Variants in CNBD1 observed in about 807,000 individuals in gnomAD.
CNBD1 encodes the protein cyclic nucleotide binding domain containing 1, also known as cyclic nucleotide-binding domain-containing protein 1.
CNBD1 carries 71 observed loss-of-function variants against 54.4 expected under a neutral mutation model. The observed-to-expected ratio is 1.30, with a 90% CI of 1.08 to 1.59. The LOEUF (loss-of-function observed/expected upper bound fraction) is 1.59, where lower values mean the gene tolerates loss of function less well. CNBD1 is among the 40% of genes most tolerant of loss of function. CNBD1 has a pLI of 0.00. For missense variants in CNBD1, 659 were observed against 518.0 expected (o/e 1.27, Z -2.64); for synonymous variants, 182 against 170.7 (o/e 1.07, Z -0.51).
intron 6 of CNBD1, among the ~76,000 whole-genome samples, chr8:87,273,414 G>T (rs1481675550): frequency 6.6e-6 from 1 of 151,910 alleles, no homozygotes; most frequent in African/African-American, 2.4e-5. Context: ...ACAGAAAAGG[G>T]AGACTGTTGT....
At chr8:87,232,795 T>C (rs1807471595) in intron 5 of CNBD1, among the ~76,000 whole-genome samples, 1 of 152,074 alleles carries the variant, frequency 6.6e-6, no homozygotes, top group Non-Finnish European at 1.5e-5. Context: ...TGTTGGATGA[T>C]GAAAGAAATA....
At chr8:87,134,971 T>C (rs551464141) in intron 4 of CNBD1, among the ~76,000 whole-genome samples, 1 of 152,202 alleles carries the variant, frequency 6.6e-6, no homozygotes, top group African/African-American at 2.4e-5. Flanking sequence ...AACAGGAAAT[T>C]TTGAGGCTTA....
At chr8:87,181,652 A>G (rs1813351174) in intron 4 of CNBD1, among the ~76,000 whole-genome samples, 1 of 152,170 alleles carries the variant, frequency 6.6e-6, no homozygotes, top group South Asian at 2.1e-4. Flanking sequence ...ATTGATCTTC[A>G]AAAAACCAAC....
At chr8:86,949,974 T>A (rs1807569111) in intron 4 of CNBD1, among the ~76,000 whole-genome samples, 1 of 131,274 alleles carries the variant, frequency 7.6e-6, no homozygotes, top group African/African-American at 3.0e-5. Flanking sequence ...TTTTTTTTTT[T>A]GAGATGGAGT....
chr8:86,890,567 C>A (rs7000657), intron 2 of CNBD1, among the ~76,000 whole-genome samples: 2 of 151,986 alleles, frequency 1.3e-5, no homozygotes, highest in Admixed American at 6.5e-5. Context: ...ATATCTCTTC[C>A]ACATATTGAT....
chr8:87,414,124 A>C (rs1807798039), intron 2 of CNBD1, among the ~76,000 whole-genome samples: 1 of 152,080 alleles, frequency 6.6e-6, no homozygotes, highest in Admixed American at 6.6e-5. Context: ...AACCAACCCA[A>C]ATGTCCAACA....
At chr8:87,162,408 G>A (rs1812876514) in intron 4 of CNBD1, among the ~76,000 whole-genome samples, 1 of 152,000 alleles carries the variant, frequency 6.6e-6, no homozygotes, top group African/African-American at 2.4e-5. Flanking sequence ...ATTTGAAAAT[G>A]TCTGCTTTAA....
intron 8 of CNBD1, among the ~76,000 whole-genome samples, chr8:87,337,223 C>T (rs960116627): frequency 2.0e-5 from 3 of 152,246 alleles, no homozygotes; most frequent in Non-Finnish European, 2.9e-5. Context: ...CTTTGGCTGT[C>T]CCTTGGTGGA....
chr8:87,168,316 A>C (rs1813008513), intron 4 of CNBD1, among the ~76,000 whole-genome samples: 1 of 152,030 alleles, frequency 6.6e-6, no homozygotes, highest in Non-Finnish European at 1.5e-5. Context: ...TAGTAAAAGA[A>C]TGTATTTATG....
intron 4 of CNBD1, among the ~76,000 whole-genome samples, chr8:87,037,271 G>A (rs989117243): frequency 6.6e-6 from 1 of 151,896 alleles, no homozygotes; most frequent in African/African-American, 2.4e-5. Context: ...AAGCTTTTAG[G>A]ATTTTTTTTC....
intron 4 of CNBD1, among the ~76,000 whole-genome samples, chr8:87,107,380 A>G (rs887310254): frequency 3.3e-5 from 5 of 152,096 alleles, no homozygotes; most frequent in Non-Finnish European, 7.4e-5. Flanking sequence ...GCACATTAAT[A>G]CTTCAGGACA....
rs1325113762 is a variant in CNBD1 at position 87,186,973 on chromosome 8, A to G, written c.432-19020A>G. Among the ~76,000 whole-genome samples, 4 of 152,152 alleles carry G rather than the reference A, an allele frequency of 2.6e-5. No individual in the cohort carries two copies. In the East Asian group the frequency reaches 7.7e-4, roughly 29 times the overall value. On this transcript the variant is annotated intron_variant, in intron 4 of 10. Transcript: ENST00000518476. ...AAGCAATAGAAGTGGATTAATTATC[A>G]TTGATTTGATAAATCAATTCTTCAA... is the stretch of plus-strand genomic sequence containing the variant.
chr8:86,904,643 T>A (rs1263558563), intron 2 of CNBD1, among the ~76,000 whole-genome samples: 1 of 152,104 alleles, frequency 6.6e-6, no homozygotes, highest in East Asian at 1.9e-4. Context: ...TTTGTTCTTG[T>A]AACATATCTT....
chr8:86,866,912 T>C (rs1808372960), intron 1 of CNBD1, among the ~76,000 whole-genome samples: 1 of 152,178 alleles, frequency 6.6e-6, no homozygotes, highest in Non-Finnish European at 1.5e-5. Context: ...CAGGTTCCTT[T>C]TTCTAGCAGA....
chr8:87,308,407 C>T (rs1809200032), intron 8 of CNBD1, among the ~76,000 whole-genome samples: 1 of 152,108 alleles, frequency 6.6e-6, no homozygotes, highest in Non-Finnish European at 1.5e-5. Flanking sequence ...ATAGGACTGT[C>T]TCCATTTGAG....
chr8:87,327,926 AAG>A (rs1272403782), intron 8 of CNBD1, among the ~76,000 whole-genome samples: 1 of 152,088 alleles, frequency 6.6e-6, no homozygotes, highest in Non-Finnish European at 1.5e-5. Context: ...TGTGTAAGGT[AAG>A]AGTCTGTGTG....
chr8:87,276,682 A>T (rs1161019335), intron 6 of CNBD1, among the ~76,000 whole-genome samples: 4 of 151,860 alleles, frequency 2.6e-5, no homozygotes, highest in Admixed American at 1.3e-4. Context: ...AATTAATAAC[A>T]GTTTGAAGGT....
intron 2 of CNBD1, among the ~76,000 whole-genome samples, chr8:87,394,919 C>T (rs1257350509): frequency 6.6e-6 from 1 of 151,802 alleles, no homozygotes; most frequent in African/African-American, 2.4e-5. Context: ...CAAGATGAGA[C>T]ATTATTACCA....
chr8:86,884,150 T>TCAAAA (rs761823192), intron 1 of CNBD1, among the ~76,000 whole-genome samples: 17 of 147,982 alleles, frequency 1.1e-4, no homozygotes, highest in East Asian at 2.1e-4. Flanking sequence ...AGACTCCGTC[T>TCAAAA]CAAAACAAAA....
Sources: allele counts gnomAD v4.1 joint callset (sites outside exome capture counted in the v4.1 genomes callset), GRCh38; gene constraint gnomAD v4.1.1; transcripts MANE v1.5; gene names NCBI Gene and HGNC (gene_info 2026-07-23, HGNC 2026-07-21).